KCNJ6: variants seen among roughly 807,000 people sequenced by gnomAD.
KCNJ6 encodes potassium inwardly rectifying channel subfamily J member 6, also known as G protein-activated inward rectifier potassium channel 2.
Under a neutral mutation model 34.2 loss-of-function variants are expected in KCNJ6, and 9 were observed. That is an observed-to-expected ratio of 0.26 (90% CI 0.16 to 0.46). The LOEUF is 0.46. KCNJ6 is among the 20% of genes least tolerant of loss of function. The probability of loss-of-function intolerance (pLI) is 1.00; values close to 1 mark genes in which losing one functional copy is unlikely to be tolerated. For synonymous variants in KCNJ6, 196 were observed against 207.1 expected (o/e 0.95, Z 0.46); for missense variants, 236 against 531.3 (o/e 0.44, Z 5.46).
intron 2 of KCNJ6, among the ~76,000 whole-genome samples, chr21:37,771,670 C>T (rs1444869831): frequency 3.3e-5 from 5 of 152,144 alleles, no homozygotes; most frequent in Admixed American, 1.3e-4. Context: ...AGGAGATGCG[C>T]CAGATAGCTC....
At chr21:37,801,013 CGTT>C (rs1301329454) in intron 2 of KCNJ6, among the ~76,000 whole-genome samples, 2 of 152,218 alleles carry the variant, frequency 1.3e-5, no homozygotes, top group African/African-American at 4.8e-5. Flanking sequence ...GAGGGGGACT[CGTT>C]GTTAAAGATG....
At chr21:37,753,864 G>A (rs550980714) in intron 2 of KCNJ6, among the ~76,000 whole-genome samples, 6 of 152,130 alleles carry the variant, frequency 3.9e-5, no homozygotes, top group Admixed American at 6.6e-5. Flanking sequence ...CTGAGACATC[G>A]GACACTATGC....
chr21:37,692,426 C>T (rs1032436555), intron 3 of KCNJ6, among the ~76,000 whole-genome samples: 3 of 152,046 alleles, frequency 2.0e-5, no homozygotes, highest in African/African-American at 7.3e-5. Context: ...TCAATATATT[C>T]TCCTCAGCAG....
At chr21:37,773,355 C>G (rs1265249010) in intron 2 of KCNJ6, among the ~76,000 whole-genome samples, 1 of 152,136 alleles carries the variant, frequency 6.6e-6, no homozygotes, top group African/African-American at 2.4e-5. Context: ...TCTTCATTTT[C>G]AAGGGCAGGA....
Position 37,714,195 on chromosome 21 carries a change from A to G in KCNJ6, c.946+16T>C, listed in dbSNP as rs1359831095. ...GCATCTATCCCACAGCCATCCCAGGATAGAACACATCTTACCTGTGGCTTC... is the reference window on the plus strand; with the variant it reads ...GCATCTATCCCACAGCCATCCCAGGGTAGAACACATCTTACCTGTGGCTTC... On this transcript the variant is annotated intron_variant, in intron 3 of 3. Coordinates refer to ENST00000609713, the MANE Select transcript of KCNJ6 (RefSeq NM_002240.5). This position sits in a 1 kb window ranked among gnomAD's most constrained non-coding sequence, Gnocchi z 5.9. The G allele has an allele frequency of 1.3e-6, 2 of 1,585,392 alleles. No homozygotes were observed. Among genetic ancestry groups the G allele is most frequent in the East Asian group, 2.2e-5 (1 of 44,760 alleles).
chr21:37,708,539 G>A (rs1002415590), intron 3 of KCNJ6, among the ~76,000 whole-genome samples: 7 of 147,544 alleles, frequency 4.7e-5, no homozygotes, highest in South Asian at 2.2e-4. Flanking sequence ...CTTGATTTAC[G>A]GGTGGCAGAT....
intron 1 of KCNJ6, among the ~76,000 whole-genome samples, chr21:37,900,743 T>C (rs939550550): frequency 2.6e-5 from 4 of 152,060 alleles, no homozygotes; most frequent in Non-Finnish European, 5.9e-5. Context: ...CCTGGACATA[T>C]GGAGCAAGTA....
intron 1 of KCNJ6, among the ~76,000 whole-genome samples, chr21:37,892,538 G>A (rs528851734): frequency 1.3e-5 from 2 of 152,276 alleles, no homozygotes; most frequent in East Asian, 3.9e-4. Context: ...GATACCTTTG[G>A]GCAAAATGTA....
intron 1 of KCNJ6, among the ~76,000 whole-genome samples, chr21:37,858,047 C>T (rs1175095706): frequency 6.6e-6 from 1 of 151,882 alleles, no homozygotes; most frequent in Non-Finnish European, 1.5e-5. Flanking sequence ...AGTTTGTATC[C>T]TAGGAGAAGA....
At chr21:37,737,017 T>C (rs2054916596) in intron 2 of KCNJ6, among the ~76,000 whole-genome samples, 1 of 152,216 alleles carries the variant, frequency 6.6e-6, no homozygotes, top group Admixed American at 6.5e-5. Context: ...GGGGGCACGA[T>C]GCTTTTCCTT....
chr21:37,707,665 G>A (rs1191876561), intron 3 of KCNJ6, among the ~76,000 whole-genome samples: 2 of 862 alleles, frequency 2.3e-3, no homozygotes, highest in Non-Finnish European at 7.4e-3. Flanking sequence ...TGTGGAGCAA[G>A]GGCATGATTG....
At chr21:37,676,998 C>T (rs1569443488) in intron 3 of KCNJ6, among the ~76,000 whole-genome samples, 1 of 152,226 alleles carries the variant, frequency 6.6e-6, no homozygotes, top group Non-Finnish European at 1.5e-5. Flanking sequence ...AGTGCTGGTC[C>T]CAGTTGACTA....
intron 2 of KCNJ6, among the ~76,000 whole-genome samples, chr21:37,809,488 C>T (rs1033497232): frequency 9.2e-5 from 14 of 151,822 alleles, no homozygotes; most frequent in African/African-American, 3.1e-4. Context: ...AACAAACCTG[C>T]ACATTGTGCA....
At chr21:37,911,361 A>C (rs2055866318) in intron 1 of KCNJ6, among the ~76,000 whole-genome samples, 1 of 152,212 alleles carries the variant, frequency 6.6e-6, no homozygotes. Flanking sequence ...CTTAACTGCC[A>C]ATTTCCCCCT....
intron 1 of KCNJ6, among the ~76,000 whole-genome samples, chr21:37,893,612 T>G (rs2055773375): frequency 6.6e-6 from 1 of 151,158 alleles, no homozygotes; most frequent in Non-Finnish European, 1.5e-5. Flanking sequence ...GTGCCCTCTC[T>G]CACCTACGGC....
At chr21:37,897,230 C>A (rs1482171496) in intron 1 of KCNJ6, among the ~76,000 whole-genome samples, 1 of 152,210 alleles carries the variant, frequency 6.6e-6, no homozygotes, top group African/African-American at 2.4e-5. Flanking sequence ...ACAGAACCCC[C>A]ATTGGTGCGT....
At chr21:37,877,249 C>G (rs922616026) in intron 1 of KCNJ6, among the ~76,000 whole-genome samples, 1 of 152,136 alleles carries the variant, frequency 6.6e-6, no homozygotes, top group Non-Finnish European at 1.5e-5. Flanking sequence ...CAGGTCTCTC[C>G]TGATAACTCT....
Position 37,607,482 on chromosome 21 carries a change from A to ATATATATATATATATATATTTTT in KCNJ6, c.*17676_*17677insAAAAATATATATATATATATATA. 20 of 136,752 alleles carry ATATATATATATATATATATTTTT rather than the reference A, an allele frequency of 1.5e-4. No homozygotes were observed. The South Asian group carries it at 2.4e-3, about 16-fold the overall frequency. The allele number at this position is 136,752 out of a possible 1,614,324, so 8.5% of individuals were successfully genotyped here. ...CTTAAAGATATATATATATATATAT[A>ATATATATATATATATATATTTTT]TTTTTTTTTTATTTTAAAAAAATTT... On this transcript the variant is annotated 3_prime_UTR_variant, in exon 4 of 4. Coordinates refer to ENST00000609713, the MANE Select transcript of KCNJ6 (RefSeq NM_002240.5).
chr21:37,795,734 C>CAA (rs751299050), intron 2 of KCNJ6, among the ~76,000 whole-genome samples: 4 of 62,840 alleles, frequency 6.4e-5, no homozygotes, highest in African/African-American at 1.7e-4. Flanking sequence ...AACTCCGTCT[C>CAA]AAAAAAAAAA....
Sources: allele counts gnomAD v4.1 joint callset (sites outside exome capture counted in the v4.1 genomes callset), GRCh38; gene constraint gnomAD v4.1.1; non-coding constraint Gnocchi (gnomAD v3.1); transcripts MANE v1.5; gene names NCBI Gene and HGNC (gene_info 2026-07-23, HGNC 2026-07-21).